PI4KA: variants seen among roughly 807,000 people sequenced by gnomAD.
PI4KA encodes PI4-kinase alpha.
PI4KA carries 122 observed loss-of-function variants against 271.4 expected under a neutral mutation model. The observed-to-expected ratio is 0.45, with a 90% confidence interval of 0.39 to 0.52. PI4KA has a LOEUF of 0.52. Ranked by LOEUF, PI4KA falls within the 20% of genes least tolerant of loss-of-function variation. PI4KA has a pLI of 0.00. For synonymous variants in PI4KA, 1,041 were observed against 1,078.8 expected, an observed-to-expected ratio of 0.96 and a Z score of 0.69; for missense variants, 1,969 against 2,769.1, an observed-to-expected ratio of 0.71 and a Z score of 6.48.
intron 4 of PI4KA, among the ~76,000 whole-genome samples, chr22:20,820,964 C>T (rs1185815203): frequency 6.6e-6 from 1 of 152,216 alleles, no homozygotes; most frequent in Admixed American, 6.5e-5. Context: ...CGCTTTTCAA[C>T]CGTATTCTTC....
chr22:20,818,955 G>A (rs936370195), intron 6 of PI4KA, among the ~76,000 whole-genome samples: 2 of 152,168 alleles, frequency 1.3e-5, no homozygotes, highest in Non-Finnish European at 2.9e-5. Context: ...AACACCACCT[G>A]TAGGGTATTT....
chr22:20,792,350 C>T (rs1934698397), intron 19 of PI4KA, among the ~76,000 whole-genome samples: 1 of 152,162 alleles, frequency 6.6e-6, no homozygotes, highest in Non-Finnish European at 1.5e-5. Context: ...CCTGCAATGC[C>T]ACCTGTCTGC....
intron 12 of PI4KA, 104 bp downstream of exon 12, chr22:20,804,196 G>A: frequency 1.3e-6 from 1 of 770,938 alleles, no homozygotes; most frequent in Admixed American, 1.9e-5. Context: ...AACCGGCAGG[G>A]TCTCCGCTGC....
rs1267443282 is a variant in PI4KA at position 20,761,307 on chromosome 22, A to G, written c.2788T>C (p.Ser930Pro). ...FEDKAIQKDK[S>P]GMMQCVIAVA... The stretch of plus-strand genomic sequence containing the variant: ...AGCACCATAATAATGAGCTTACCAG[A>G]TTTGTCTTTCTGAATAGCTTTATCC... The change falls in exon 23 of 55, where the codon TCT becomes CCT. Residue 930 changes from serine to proline, a missense_variant. Ser to Pro is a moderately conservative substitution (Grantham distance 74). Around this residue, in one of 13 missense-constraint regions of PI4KA, gnomAD observed 368 missense variants for 544.3 expected, o/e 0.68. Transcript: ENST00000255882. 1 of 1,591,288 alleles carries G rather than the reference A, an allele frequency of 6.3e-7. No individual in the cohort carries two copies. Among genetic ancestry groups the G allele is most frequent in the South Asian group, 1.1e-5 (1 of 90,578 alleles).
At chr22:20,807,228 T>C (rs922803619) in intron 10 of PI4KA, 134 bp downstream of exon 10, 6 of 615,722 alleles carry the variant, frequency 9.7e-6, no homozygotes, top group East Asian at 2.8e-5. Flanking sequence ...TTCAGTAACA[T>C]GACCACTTTG....
At chr22:20,837,099 AAC>A (rs1356707639) in intron 2 of PI4KA, among the ~76,000 whole-genome samples, 1 of 152,240 alleles carries the variant, frequency 6.6e-6, no homozygotes, top group Non-Finnish European at 1.5e-5. Flanking sequence ...TTTATAAATA[AAC>A]AGGCAAGCTG....
At chr22:20,744,818 G>C in intron 29 of PI4KA, 98 bp from the exon 30 acceptor site, 1 of 848,196 alleles carries the variant, frequency 1.2e-6, no homozygotes, top group Non-Finnish European at 1.9e-6. Context: ...GTCACACTCG[G>C]GTCTGGGGGT....
chr22:20,844,286 T>G lies in PI4KA; in HGVS notation c.157-5555A>C, dbSNP rs569748038. On this transcript the variant is annotated intron_variant, in intron 1 of 54. Transcript: ENST00000255882. ...ACTAAAGCGGCCAAGGTCACAGACA[T>G]TTGATAAGGTGAGGAGGAAAGAAAA... Among the ~76,000 whole-genome samples the G allele has an allele frequency of 2.0e-5, 3 of 152,180 alleles. No homozygotes were observed. In the South Asian group the frequency reaches 6.2e-4, roughly 32 times the overall value.
At chr22:20,720,883 T>A (rs1206322263) in intron 43 of PI4KA, among the ~76,000 whole-genome samples, 1 of 152,260 alleles carries the variant, frequency 6.6e-6, no homozygotes, top group Non-Finnish European at 1.5e-5. Flanking sequence ...TGACAGCTAA[T>A]GCTCACATTA....
intron 32 of PI4KA, 115 bp downstream of exon 32, chr22:20,742,113 G>C: frequency 1.9e-6 from 2 of 1,032,448 alleles, no homozygotes; most frequent in Non-Finnish European, 1.4e-6. Context: ...TGAGGCTTGA[G>C]AAGGTGAGGG....
At chr22:20,818,824 T>G (rs1006879241) in intron 6 of PI4KA, among the ~76,000 whole-genome samples, 1 of 152,256 alleles carries the variant, frequency 6.6e-6, no homozygotes, top group South Asian at 2.1e-4. Context: ...GAGTCAATTA[T>G]ATACTTCTTA....
intron 1 of PI4KA, among the ~76,000 whole-genome samples, chr22:20,854,801 A>C (rs1291494250): frequency 1.3e-5 from 2 of 152,184 alleles, no homozygotes; most frequent in African/African-American, 4.8e-5. Flanking sequence ...ATCTCCCCCT[A>C]TAAGTCTCCA....
At chr22:20,858,071 G>C (rs1199488913) in intron 1 of PI4KA, among the ~76,000 whole-genome samples, 1 of 152,206 alleles carries the variant, frequency 6.6e-6, no homozygotes, top group Non-Finnish European at 1.5e-5. Context: ...TTTCAAGACA[G>C]TGTTTCGTCT....
intron 19 of PI4KA, chr22:20,773,759 T>C (rs1220051759): frequency 6.6e-6 from 1 of 152,292 alleles, no homozygotes; most frequent in Non-Finnish European, 1.5e-5. Flanking sequence ...GAGGACACAG[T>C]TGGAGGCAGA....
At chr22:20,788,399 G>C (rs2147529682) in intron 19 of PI4KA, among the ~76,000 whole-genome samples, 1 of 152,290 alleles carries the variant, frequency 6.6e-6, no homozygotes, top group South Asian at 2.1e-4. Context: ...GCCCTTTGTA[G>C]GCATGCCTGT....
intron 4 of PI4KA, among the ~76,000 whole-genome samples, chr22:20,824,060 G>A (rs1399720073): frequency 1.3e-5 from 2 of 151,582 alleles, no homozygotes; most frequent in Non-Finnish European, 2.9e-5. Context: ...AAGCTGAAAG[G>A]GATAGTGCTG....
In PI4KA at chr22:20,714,444, G is replaced by C. The variant is rs757404271; in HGVS notation, c.5461+14C>G. On this transcript the variant is annotated intron_variant, in intron 47 of 54. Coordinates refer to ENST00000255882, the MANE Select transcript of PI4KA (RefSeq NM_058004.4). ...GCACTGAGCTCCCAAACAAAATCAG[G>C]GTTCTTTACTGACCTTCTTTTTCAA... 13 of 1,602,040 alleles carry C rather than the reference G, an allele frequency of 8.1e-6. No homozygotes were observed. Among genetic ancestry groups the C allele is most frequent in the Non-Finnish European group, 9.4e-6 (11 of 1,172,840 alleles).
At position 20,819,916 on chromosome 22, in the gene PI4KA, A is replaced by T. The variant is rs1245455848; in HGVS notation, c.530-16T>A. 1 of 1,606,246 alleles carries T rather than the reference A, an allele frequency of 6.2e-7. No homozygotes were observed. Among genetic ancestry groups the T allele is most frequent in the African/African-American group, 1.3e-5 (1 of 74,816 alleles). On this transcript the variant is annotated splice_polypyrimidine_tract_variant and intron_variant, in intron 5 of 54. Transcript: ENST00000255882. ...CAAAGGTATTCTAGAAGATCAAGTG[A>T]AAACGTTACAATATAAGAAAGTATC...
chr22:20,753,701 T>C (rs1930964521), intron 23 of PI4KA, among the ~76,000 whole-genome samples: 1 of 152,222 alleles, frequency 6.6e-6, no homozygotes, highest in African/African-American at 2.4e-5. Context: ...TTTCTCTTTT[T>C]TTTGAGATTG....
Sources: gnomAD v4.1 joint callset for allele counts (sites outside exome capture counted in the v4.1 genomes callset) on GRCh38, gnomAD v4.1.1 for gene constraint, gnomAD v4.1.1 regional missense constraint, MANE v1.5 for transcripts, NCBI Gene and HGNC (gene_info 2026-07-23, HGNC 2026-07-21) for gene names.